The following OLAH variants were observed in gnomAD, a reference collection of about 807,000 sequenced individuals.
OLAH encodes oleoyl-ACP hydrolase.
Under a neutral mutation model 27.8 loss-of-function variants are expected in OLAH, and 33 were observed. That is an observed-to-expected ratio of 1.19 (90% CI 0.90 to 1.59). The LOEUF (loss-of-function observed/expected upper bound fraction) is 1.59. Ranked by LOEUF, OLAH falls within the 40% of genes most tolerant of loss-of-function variation. The pLI is 0.00. For missense variants in OLAH, 359 were observed against 310.8 expected (o/e 1.16, Z -1.17); for synonymous variants, 120 against 102.9 (o/e 1.17, Z -1.01).
chr10:15,034,588 G>A (rs961141119), intron 1 of OLAH, among the ~76,000 whole-genome samples: 1 of 152,164 alleles, frequency 6.6e-6, no homozygotes, highest in Non-Finnish European at 1.5e-5. Flanking sequence ...AGAGAAGACT[G>A]TCCCTTTGCA....
rs1243282405 is a variant in OLAH, at chr10:15,032,351, G to A, written c.-164+1G>A. The A allele has an allele frequency of 1.3e-5, 2 of 151,162 alleles. No individual in the cohort carries two copies. The highest frequency in any genetic ancestry group is 2.9e-5 in the Non-Finnish European group (2 of 67,954). 9.4% of individuals were successfully genotyped at this position (151,162 alleles called of 1,614,324 possible). ...ATTGTGAGACCTCACGTTGTCATAT[G>A]TAAGTCAATTCTCCTTAATAAACTC... On this transcript the variant is annotated splice_donor_variant, in intron 1 of 3. Coordinates refer to the OLAH transcript ENST00000413672. LOFTEE classifies it low-confidence loss of function (5UTR_SPLICE).
upstream of OLAH, among the ~76,000 whole-genome samples, chr10:15,040,691 C>T (rs1843906867): frequency 6.6e-6 from 1 of 152,144 alleles, no homozygotes; most frequent in Non-Finnish European, 1.5e-5. Flanking sequence ...ATTTATTGTT[C>T]ATTCCACATG....
chr10:15,049,599 T>C, intron 2 of OLAH, 36 bp from the exon 3 acceptor site: 2 of 1,374,956 alleles, frequency 1.5e-6, no homozygotes, highest in Non-Finnish European at 2.0e-6. Flanking sequence ...TTAATTGATA[T>C]ACATAATGTT....
At chr10:15,053,968 GA>G (rs1309206598) in intron 3 of OLAH, among the ~76,000 whole-genome samples, 5 of 151,522 alleles carry the variant, frequency 3.3e-5, no homozygotes, top group Non-Finnish European at 7.4e-5. Flanking sequence ...CTCAGTCAAG[GA>G]TTCACCCGCC....
At chr10:15,070,680 C>T (rs558204640) in intron 6 of OLAH, among the ~76,000 whole-genome samples, 20 of 151,946 alleles carry the variant, frequency 1.3e-4, no homozygotes, top group South Asian at 2.1e-4. Flanking sequence ...CGGGGTTTCC[C>T]GTGTTGGTCA....
rs747645919 is a variant in OLAH, at chr10:15,061,801, G to A, written c.241G>A (p.Glu81Lys). The change falls in exon 4 of 8, where the codon GAA (glutamate) becomes AAA (lysine). Residue 81 changes from glutamate to lysine, a missense_variant. Coordinates refer to ENST00000378228, the MANE Select transcript of OLAH (RefSeq NM_001039702.3). ...AAATGACATCTCCCAGTTAGTTGAT[G>A]AAGTTGTTTGTGCTCTGCAGCCAGT... ...LENDISQLVDEVVCALQPVIQ... is the reference protein window; with the variant it reads ...LENDISQLVDKVVCALQPVIQ... 95 of 1,613,938 alleles carry A rather than the reference G, an allele frequency of 5.9e-5. No individual in the cohort carries two copies. The highest frequency in any genetic ancestry group is 8.0e-5 in the Non-Finnish European group (94 of 1,179,926).
chr10:15,039,910 C>A (rs1299680071), upstream of OLAH, among the ~76,000 whole-genome samples: 1 of 152,156 alleles, frequency 6.6e-6, no homozygotes, highest in African/African-American at 2.4e-5. Flanking sequence ...AGGTAGGTAC[C>A]CTTTCTGCCA....
At chr10:15,032,642 A>G (rs1038512376) in intron 1 of OLAH, among the ~76,000 whole-genome samples, 7 of 151,806 alleles carry the variant, frequency 4.6e-5, no homozygotes, top group Admixed American at 6.6e-5. Flanking sequence ...AAAAAAAAGA[A>G]AAACATCGCA....
intron 3 of OLAH, 105 bp downstream of exon 3, chr10:15,049,870 A>G: frequency 9.4e-7 from 1 of 1,069,376 alleles, no homozygotes. Context: ...TAGGTAATTG[A>G]TAATAAACTT....
chr10:15,068,365 C>T (rs1844507710), intron 6 of OLAH, among the ~76,000 whole-genome samples: 1 of 152,062 alleles, frequency 6.6e-6, no homozygotes, highest in South Asian at 2.1e-4. Context: ...TGGGTTATTT[C>T]TTGCTTTCTT....
intron 1 of OLAH, among the ~76,000 whole-genome samples, chr10:15,036,307 G>A (rs181738415): frequency 1.3e-5 from 2 of 152,128 alleles, no homozygotes; most frequent in Non-Finnish European, 2.9e-5. Context: ...AGACCAGCCT[G>A]GGCAAAATGG....
At chr10:15,057,793 T>G (rs1844276252) in intron 3 of OLAH, among the ~76,000 whole-genome samples, 1 of 152,160 alleles carries the variant, frequency 6.6e-6, no homozygotes, top group Non-Finnish European at 1.5e-5. Flanking sequence ...GATGTTTCCT[T>G]GATGCCTTCA....
At chr10:15,061,698 G>C (rs373078507) in intron 3 of OLAH, 26 bp from the exon 4 acceptor site, 11 of 1,575,106 alleles carry the variant, frequency 7.0e-6, no homozygotes, top group Non-Finnish European at 9.5e-6. Flanking sequence ...GTCTGTGCGT[G>C]TTCACTTGTG....
At chr10:15,042,852 T>TTC (rs1589236881), upstream of OLAH, among the ~76,000 whole-genome samples, 13 of 127,872 alleles carry the variant, frequency 1.0e-4, no homozygotes, top group South Asian at 3.4e-3. Context: ...CACGTGTCTT[T>TTC]TTTTTTTTTT....
intron 2 of OLAH, among the ~76,000 whole-genome samples, chr10:15,048,320 T>C (rs1844062337): frequency 6.6e-6 from 1 of 152,060 alleles, no homozygotes; most frequent in African/African-American, 2.4e-5. Context: ...TGGGTTCAAG[T>C]AATCCTCCTG....
At chr10:15,043,042 A>G (rs1843949246), upstream of OLAH, among the ~76,000 whole-genome samples, 1 of 151,418 alleles carries the variant, frequency 6.6e-6, no homozygotes, top group Admixed American at 6.6e-5. Flanking sequence ...TTGTATTTTT[A>G]GTAGAGATGG....
At chr10:15,056,804 T>C (rs1407177972) in intron 3 of OLAH, 3 of 1,451,648 alleles carry the variant, frequency 2.1e-6, no homozygotes, top group Non-Finnish European at 1.8e-6. Flanking sequence ...CTAATTTTAT[T>C]TTATTTTATT....
chr10:15,044,449 T>A (rs1443020327), intron 1 of OLAH, among the ~76,000 whole-genome samples: 1 of 151,506 alleles, frequency 6.6e-6, no homozygotes, highest in African/African-American at 2.4e-5. Flanking sequence ...TATATATTTT[T>A]TTCTTTCTTT....
intron 1 of OLAH, among the ~76,000 whole-genome samples, 176 bp from the exon 2 acceptor site, chr10:15,046,950 C>G (rs1160730333): frequency 6.6e-6 from 1 of 152,134 alleles, no homozygotes; most frequent in African/African-American, 2.4e-5. Context: ...AATGGAAGCA[C>G]TTACTGCTAA....
Sources: gnomAD v4.1 joint callset for allele counts (sites outside exome capture counted in the v4.1 genomes callset) on GRCh38, gnomAD v4.1.1 for gene constraint, MANE v1.5 for transcripts, NCBI Gene and HGNC (gene_info 2026-07-23, HGNC 2026-07-21) for gene names.